BTBD9: variants seen among roughly 807,000 people sequenced by gnomAD.
The protein encoded by BTBD9 is BTB/POZ domain-containing protein 9.
A neutral mutation model predicts 64.3 loss-of-function variants in BTBD9; 49 were observed. The observed-to-expected ratio is 0.76, with a 90% CI of 0.61 to 0.97. The LOEUF (loss-of-function observed/expected upper bound fraction) is 0.97. Among genes scored for constraint, BTBD9 ranks in the 50% least tolerant of loss-of-function variants. The probability of loss-of-function intolerance (pLI) is 0.00; values close to 1 mark genes in which losing one functional copy is unlikely to be tolerated. For synonymous variants in BTBD9, 260 were observed against 274.7 expected (o/e 0.95, Z 0.53); for missense variants, 598 against 762.1 (o/e 0.78, Z 2.53).
At chr6:38,578,409 T>TACTCCGAACCATTA (rs1776147924) in intron 5 of BTBD9, among the ~76,000 whole-genome samples, 1 of 152,188 alleles carries the variant, frequency 6.6e-6, no homozygotes, top group Non-Finnish European at 1.5e-5. Flanking sequence ...TACATGCAGG[T>TACTCCGAACCATTA]CCCATCCTGA....
chr6:38,292,152 C>G (rs189687352), intron 7 of BTBD9, among the ~76,000 whole-genome samples: 2 of 151,672 alleles, frequency 1.3e-5, no homozygotes, highest in Non-Finnish European at 2.9e-5. Flanking sequence ...TTAGTAGACA[C>G]GGGGTTTCAC....
At chr6:38,287,329 G>T (rs1761782191) in intron 8 of BTBD9, among the ~76,000 whole-genome samples, 1 of 150,654 alleles carries the variant, frequency 6.6e-6, no homozygotes, top group Admixed American at 6.6e-5. Flanking sequence ...TTTTAATTGA[G>T]ATGAGACCTT....
At chr6:38,564,059 G>A (rs566231833) in intron 6 of BTBD9, among the ~76,000 whole-genome samples, 89 of 152,254 alleles carry the variant, frequency 5.8e-4, no homozygotes, top group African/African-American at 2.1e-3. Flanking sequence ...TGGGATTACA[G>A]GCGTGAGCCA....
chr6:38,207,889 G>A (rs1762711652), intron 9 of BTBD9, among the ~76,000 whole-genome samples: 1 of 152,096 alleles, frequency 6.6e-6, no homozygotes. Context: ...GGGACTTGGG[G>A]TAGGGAAGGA....
intron 6 of BTBD9, among the ~76,000 whole-genome samples, chr6:38,546,682 G>C (rs902889920): frequency 5.3e-5 from 8 of 151,926 alleles, no homozygotes; most frequent in Non-Finnish European, 1.0e-4. Context: ...GTTTTATTTT[G>C]TTTTGAGACG....
intron 6 of BTBD9, among the ~76,000 whole-genome samples, chr6:38,361,060 G>A (rs1764934028): frequency 6.6e-6 from 1 of 152,118 alleles, no homozygotes; most frequent in Non-Finnish European, 1.5e-5. Flanking sequence ...AAGCATTGAG[G>A]GGTCTGGATC....
At chr6:38,542,700 G>T (rs1431176342) in intron 6 of BTBD9, among the ~76,000 whole-genome samples, 1 of 152,086 alleles carries the variant, frequency 6.6e-6, no homozygotes, top group Admixed American at 6.5e-5. Flanking sequence ...TAAAAAAGCT[G>T]GCAAAACTAA....
chr6:38,501,232 C>G (rs138749869), intron 6 of BTBD9, among the ~76,000 whole-genome samples: 24 of 152,194 alleles, frequency 1.6e-4, no homozygotes, highest in African/African-American at 5.3e-4. Context: ...TCCAAGCATC[C>G]AAGATCCTCC....
chr6:38,494,858 A>G (rs1771881523), intron 6 of BTBD9, among the ~76,000 whole-genome samples: 1 of 152,236 alleles, frequency 6.6e-6, no homozygotes, highest in Non-Finnish European at 1.5e-5. Flanking sequence ...AAAAGAGATC[A>G]TAATTCCACT....
chr6:38,226,590 G>C (rs548567349), intron 9 of BTBD9, among the ~76,000 whole-genome samples: 1 of 152,322 alleles, frequency 6.6e-6, no homozygotes, highest in African/African-American at 2.4e-5. Context: ...ACACACAACT[G>C]AAGAGTAGGC....
intron 6 of BTBD9, among the ~76,000 whole-genome samples, chr6:38,376,599 T>C (rs954620618): frequency 2.0e-5 from 3 of 152,162 alleles, no homozygotes; most frequent in African/African-American, 7.2e-5. Context: ...AAAAGCTGTG[T>C]TAACTTTCTG....
Position 38,246,331 on chromosome 6 carries a change from A to C in BTBD9, c.1562+10078T>G, listed in dbSNP as rs186270036. Among the ~76,000 whole-genome samples the C allele has an allele frequency of 2.7e-3, 409 of 152,320 alleles. 2 individuals are homozygous for C. The highest frequency in any genetic ancestry group is 8.9e-3 in the African/African-American group (371 of 41,560). ...GCTTTAGGTACTTCATAACCCCATA[A>C]ACAAGTGTGAGTAACTGGTGTCTCC... is the stretch of plus-strand genomic sequence containing the variant. On this transcript the variant is annotated intron_variant, in intron 9 of 10. Coordinates refer to ENST00000481247, the MANE Select transcript of BTBD9 (RefSeq NM_001099272.2).
At chr6:38,258,715 G>A (rs893057439) in intron 8 of BTBD9, among the ~76,000 whole-genome samples, 4 of 151,930 alleles carry the variant, frequency 2.6e-5, no homozygotes, top group Admixed American at 6.6e-5. Flanking sequence ...ACAGTGAAAC[G>A]CCGTCTCTAC....
chr6:38,472,165 T>C (rs1355980443), intron 6 of BTBD9, among the ~76,000 whole-genome samples: 2 of 152,214 alleles, frequency 1.3e-5, no homozygotes, highest in East Asian at 3.9e-4. Flanking sequence ...GCTAAATATA[T>C]GCTGCAATAC....
At chr6:38,625,781 C>T (rs1333880584) in intron 1 of BTBD9, among the ~76,000 whole-genome samples, 2 of 152,206 alleles carry the variant, frequency 1.3e-5, no homozygotes, top group African/African-American at 4.8e-5. Context: ...AGGAGAGATA[C>T]AGCATCTCAA....
At chr6:38,199,463 C>A (rs1231364647) in intron 9 of BTBD9, among the ~76,000 whole-genome samples, 1 of 152,108 alleles carries the variant, frequency 6.6e-6, no homozygotes, top group African/African-American at 2.4e-5. Context: ...CATTTTTAGA[C>A]CCTGAGGATA....
intron 6 of BTBD9, chr6:38,403,046 T>C (rs865837334): frequency 7.0e-5 from 26 of 373,982 alleles, no homozygotes; most frequent in Middle Eastern, 1.5e-3. Flanking sequence ...GCCTGGGTGA[T>C]AGAGTGAAAC....
chr6:38,313,798 G>A (rs1381842608), intron 7 of BTBD9, among the ~76,000 whole-genome samples: 4 of 143,300 alleles, frequency 2.8e-5, no homozygotes, highest in African/African-American at 5.2e-5. Flanking sequence ...CGTCCAGGCT[G>A]GAGTGCAGTG....
intron 9 of BTBD9, 124 bp downstream of exon 9, chr6:38,256,285 T>C (rs1332844942): frequency 3.0e-6 from 2 of 665,750 alleles, no homozygotes; most frequent in East Asian, 5.5e-5. Flanking sequence ...ATCACTGGAG[T>C]GTGTTTTCCA....
Sources: allele counts gnomAD v4.1 joint callset (sites outside exome capture counted in the v4.1 genomes callset), GRCh38; gene constraint gnomAD v4.1.1; transcripts MANE v1.5; gene names NCBI Gene and HGNC (gene_info 2026-07-23, HGNC 2026-07-21).